Variants in ADAM32 observed in about 807,000 individuals in gnomAD.
The protein encoded by ADAM32 is ADAM metallopeptidase domain 32.
ADAM32 carries 89 observed loss-of-function variants against 114.9 expected under a neutral mutation model. The ratio of observed to expected loss-of-function variants is 0.77; its 90% CI spans 0.65 to 0.92. ADAM32 has a LOEUF of 0.92. ADAM32 is among the 40% of genes least tolerant of loss of function. The probability of loss-of-function intolerance (pLI) is 0.00; values close to 1 mark genes in which losing one functional copy is unlikely to be tolerated. For synonymous variants in ADAM32, 285 were observed against 307.5 expected, an observed-to-expected ratio of 0.93 and a Z score of 0.77; for missense variants, 870 against 932.8, an observed-to-expected ratio of 0.93 and a Z score of 0.88.
chr8:39,283,507 G>T, intron 23 of ADAM32, 79 bp from the exon 24 acceptor site: 1 of 1,137,418 alleles, frequency 8.8e-7, no homozygotes, highest in Non-Finnish European at 1.2e-6. Flanking sequence ...GGAAGAAATT[G>T]CCATAACAAA....
At chr8:39,163,305 A>G (rs371154399) in intron 7 of ADAM32, among the ~76,000 whole-genome samples, 12 of 152,308 alleles carry the variant, frequency 7.9e-5, no homozygotes, top group African/African-American at 2.2e-4. Flanking sequence ...TCAGTTTCCA[A>G]TGGTAGGGGG....
intron 21 of ADAM32, among the ~76,000 whole-genome samples, chr8:39,275,393 C>T (rs1244476600): frequency 6.6e-6 from 1 of 152,138 alleles, no homozygotes; most frequent in Non-Finnish European, 1.5e-5. Context: ...TGCACTATTT[C>T]TCTGTGTGTG....
At chr8:39,270,783 A>T in intron 19 of ADAM32, 93 bp from the exon 20 acceptor site, 1 of 906,804 alleles carries the variant, frequency 1.1e-6, no homozygotes, top group Non-Finnish European at 1.8e-6. Context: ...TCTTATAAGG[A>T]GATAATACTG....
chr8:39,218,386 T>G (rs890059632), intron 12 of ADAM32, among the ~76,000 whole-genome samples: 3 of 152,216 alleles, frequency 2.0e-5, no homozygotes, highest in South Asian at 2.1e-4. Flanking sequence ...CTATGTTCAC[T>G]CAAGGCCCTG....
At chr8:39,254,857 C>T (rs538462463) in intron 18 of ADAM32, among the ~76,000 whole-genome samples, 28 of 151,916 alleles carry the variant, frequency 1.8e-4, no homozygotes, top group Middle Eastern at 3.4e-3. Flanking sequence ...TTTTATACCT[C>T]ACCTACTCCT....
At position 39,134,029 on chromosome 8, in the gene ADAM32, G is replaced by A. The variant is rs375641125; in HGVS notation, c.139-2628G>A. Among the ~76,000 whole-genome samples the A allele has an allele frequency of 5.3e-5, 8 of 152,208 alleles. No homozygotes were observed. The East Asian group carries it at 9.7e-4, about 18-fold the overall frequency. The stretch of plus-strand genomic sequence containing the variant: ...GGCAGCCTTCCCAATGTGCTACATC[G>A]CCCCTTCTCTGGGGTGTAGGACATT... On this transcript the variant is annotated intron_variant, in intron 2 of 24. Coordinates refer to ENST00000379907, the MANE Select transcript of ADAM32 (RefSeq NM_145004.7).
At chr8:39,168,628 G>A (rs1805001000) in intron 9 of ADAM32, 1 of 152,104 alleles carries the variant, frequency 6.6e-6, no homozygotes, top group African/African-American at 2.4e-5. Context: ...TTGGTTTCCT[G>A]TATAGTGTAG....
chr8:39,169,144 C>G (rs1187426315), intron 9 of ADAM32: 1 of 152,140 alleles, frequency 6.6e-6, no homozygotes, highest in Non-Finnish European at 1.5e-5. Flanking sequence ...AATTGAATTC[C>G]AAGCTTCTTA....
At chr8:39,263,530 T>C (rs1812173181) in intron 19 of ADAM32, among the ~76,000 whole-genome samples, 1 of 152,216 alleles carries the variant, frequency 6.6e-6, no homozygotes, top group African/African-American at 2.4e-5. Context: ...TTCTTCCTTT[T>C]CATTGTTTTT....
chr8:39,255,338 C>T (rs994206857), intron 18 of ADAM32, among the ~76,000 whole-genome samples: 1 of 151,954 alleles, frequency 6.6e-6, no homozygotes, highest in Non-Finnish European at 1.5e-5. Flanking sequence ...AGTTTACATT[C>T]CCACCAACAA....
At chr8:39,196,441 T>G (rs756922956) in intron 11 of ADAM32, among the ~76,000 whole-genome samples, 26 of 152,198 alleles carry the variant, frequency 1.7e-4, no homozygotes, top group Admixed American at 7.9e-4. Context: ...TTTAAGCTTT[T>G]TCCTGTCCAG....
chr8:39,139,513 C>T (rs533295532), intron 3 of ADAM32, among the ~76,000 whole-genome samples: 25 of 152,028 alleles, frequency 1.6e-4, no homozygotes, highest in African/African-American at 5.8e-4. Flanking sequence ...CTGAGGCCTC[C>T]GTTCTGTTCC....
intron 18 of ADAM32, 30 bp from the exon 19 acceptor site, chr8:39,257,157 G>GTT (rs200807312): frequency 6.4e-4 from 824 of 1,278,428 alleles, no homozygotes; most frequent in South Asian, 1.9e-3. Flanking sequence ...TAATTTTTTT[G>GTT]TTTTTTTTTT....
At chr8:39,108,789 G>A (rs1380601234) in intron 1 of ADAM32, among the ~76,000 whole-genome samples, 1 of 152,210 alleles carries the variant, frequency 6.6e-6, no homozygotes, top group African/African-American at 2.4e-5. Context: ...CAGAGGTGTG[G>A]TCAAGGCCAG....
At chr8:39,136,798 A>T in intron 3 of ADAM32, 80 bp downstream of exon 3, 1 of 921,850 alleles carries the variant, frequency 1.1e-6, no homozygotes, top group Non-Finnish European at 1.6e-6. Context: ...GGAGTATGAG[A>T]AAAATACATG....
intron 10 of ADAM32, among the ~76,000 whole-genome samples, chr8:39,171,171 A>C (rs1023775887): frequency 1.3e-5 from 2 of 152,144 alleles, no homozygotes; most frequent in African/African-American, 4.8e-5. Context: ...CCTGGCCTAA[A>C]GTGATCTGCC....
At chr8:39,253,270 C>T (rs571921743) in intron 17 of ADAM32, among the ~76,000 whole-genome samples, 1 of 151,576 alleles carries the variant, frequency 6.6e-6, no homozygotes, top group South Asian at 2.1e-4. Flanking sequence ...AAACTCAATA[C>T]GTTAGGAATA....
intron 7 of ADAM32, 23 bp from the exon 8 acceptor site, chr8:39,164,735 TTAAATA>T: frequency 6.7e-7 from 1 of 1,493,694 alleles, no homozygotes; most frequent in African/African-American, 1.4e-5. Flanking sequence ...TAATTTGTAC[TTAAATA>T]TAAAATTAAT....
chr8:39,267,048 C>T (rs1298222802), intron 19 of ADAM32, among the ~76,000 whole-genome samples: 1 of 152,226 alleles, frequency 6.6e-6, no homozygotes, highest in African/African-American at 2.4e-5. Flanking sequence ...TATTCCCAGT[C>T]TGCTGGCAAC....
Sources: gnomAD v4.1 joint callset for allele counts (sites outside exome capture counted in the v4.1 genomes callset) on GRCh38, gnomAD v4.1.1 for gene constraint, MANE v1.5 for transcripts, NCBI Gene and HGNC (gene_info 2026-07-23, HGNC 2026-07-21) for gene names.